The following CUBN variants were observed in gnomAD, a reference collection of about 807,000 sequenced individuals.
The protein encoded by CUBN is 460 kDa receptor.
Under a neutral mutation model 405.3 loss-of-function variants are expected in CUBN, and 282 were observed. That is an observed-to-expected ratio of 0.70 (90% CI 0.63 to 0.77). The LOEUF (loss-of-function observed/expected upper bound fraction) is 0.77. CUBN is among the 30% of genes least tolerant of loss of function. The probability of loss-of-function intolerance (pLI) is 0.00; values close to 1 mark genes in which losing one functional copy is unlikely to be tolerated. For synonymous variants in CUBN, 1,684 were observed against 1,617.0 expected, an observed-to-expected ratio of 1.04 and a Z score of -0.99; for missense variants, 4,514 against 4,475.2, an observed-to-expected ratio of 1.01 and a Z score of -0.25.
chr10:17,067,728 A>G (rs1835642518), intron 21 of CUBN, among the ~76,000 whole-genome samples: 1 of 152,164 alleles, frequency 6.6e-6, no homozygotes, highest in Non-Finnish European at 1.5e-5. Context: ...ATGATATGCA[A>G]ACGAATCTAC....
At chr10:16,891,390 C>T (rs1163281327) in intron 54 of CUBN, among the ~76,000 whole-genome samples, 3 of 152,062 alleles carry the variant, frequency 2.0e-5, no homozygotes, top group Non-Finnish European at 4.4e-5. Flanking sequence ...AGTGAGCCTG[C>T]CCCGAGCGAA....
rs12415705 is a variant in CUBN at position 17,027,752 on chromosome 10, T to C, written c.4018-7769A>G. Among the ~76,000 whole-genome samples, 4 of 152,258 alleles carry C rather than the reference T, an allele frequency of 2.6e-5. No individual in the cohort carries two copies. The East Asian group carries it at 7.7e-4, about 29-fold the overall frequency. On this transcript the variant is annotated intron_variant, in intron 27 of 66. Coordinates refer to ENST00000377833, the MANE Select transcript of CUBN (RefSeq NM_001081.4). ...AATCTTTTCTTAAGTATCTCAAGGT[T>C]ATATGTAAAAATTAATCCACTGAAA... is the stretch of plus-strand genomic sequence containing the variant.
rs773139566 is a variant in CUBN, at chr10:17,084,469, C to G, written c.2111-8G>C. On this transcript the variant is annotated splice_polypyrimidine_tract_variant and splice_region_variant and intron_variant, in intron 16 of 66. Transcript: ENST00000377833. ...CACCACAACGCAGATCCGCTAAGAA[C>G]AGGGAAGAGACGAACAGGTCATGGC... is the stretch of plus-strand genomic sequence containing the variant. The G allele has an allele frequency of 3.1e-6, 5 of 1,612,070 alleles. No individual in the cohort carries two copies. The highest frequency in any genetic ancestry group is 2.5e-6 in the Non-Finnish European group (3 of 1,179,364).
Position 16,925,331 on chromosome 10 carries a change from T to G in CUBN, c.6556A>C (p.Thr2186Pro). The G allele has an allele frequency of 6.2e-7, 1 of 1,613,870 alleles. No homozygotes were observed. Among genetic ancestry groups the G allele is most frequent in the Non-Finnish European group, 8.5e-7 (1 of 1,179,812 alleles). ...TGAACAAACATTTGATTATCCGAGG[T>G]GAACAGAGTTGATGAAGCATGACTG... ...CGSHASSTLFTSDNQMFVQFI... is the reference protein window; with the variant it reads ...CGSHASSTLFPSDNQMFVQFI... Residue 2186 changes from threonine to proline, a missense_variant, in exon 43 of 67, where the codon ACC becomes CCC. Around this residue, in one of 5 missense-constraint regions of CUBN, gnomAD observed 1,613 missense variants for 1,542.8 expected, o/e 1.05. Coordinates refer to ENST00000377833, the MANE Select transcript of CUBN (RefSeq NM_001081.4).
intron 28 of CUBN, among the ~76,000 whole-genome samples, chr10:17,006,436 G>C (rs55767134): frequency 0.21 from 31,702 of 152,026 alleles, 4,123 homozygotes; most frequent in African/African-American, 0.37. Flanking sequence ...AATTACAAAA[G>C]ATAAAACCTT....
At chr10:17,088,401 G>A in intron 14 of CUBN, 56 bp from the exon 15 acceptor site, 5 of 1,457,270 alleles carry the variant, frequency 3.4e-6, no homozygotes, top group South Asian at 2.3e-5. Flanking sequence ...AATTTATGGA[G>A]AATGATCAGA....
chr10:17,023,657 C>G (rs1184207822), intron 27 of CUBN: 2 of 455,760 alleles, frequency 4.4e-6, no homozygotes, highest in African/African-American at 4.0e-5. Flanking sequence ...GACAAGCAAG[C>G]TGGAGTGGCC....
At chr10:17,122,633 TA>T (rs777164925) in intron 6 of CUBN, 161 bp downstream of exon 6, 1 of 662,142 alleles carries the variant, frequency 1.5e-6, no homozygotes, top group South Asian at 1.7e-5. Flanking sequence ...TTCAGTTAAG[TA>T]AAAATAGCTA....
At position 16,937,267 on chromosome 10, in the gene CUBN, G is replaced by T. The variant is rs527405820; in HGVS notation, c.5926+325C>A. 6.6e-5 allele frequency among the ~76,000 whole-genome samples: 10 copies of T among 152,256 alleles called. 1 individual carries two copies. The South Asian group carries it at 1.2e-3, about 19-fold the overall frequency. Reference sequence around the variant, plus strand: ...TCCTTAACTAACTGATTGTGTGTGTGTGTGAATGTACATGTGTAGTATCTG... The same window carrying T: ...TCCTTAACTAACTGATTGTGTGTGTTTGTGAATGTACATGTGTAGTATCTG... On this transcript the variant is annotated intron_variant, in intron 39 of 66. Coordinates refer to ENST00000377833, the MANE Select transcript of CUBN (RefSeq NM_001081.4).
At chr10:16,939,469 T>C (rs968813050) in intron 37 of CUBN, among the ~76,000 whole-genome samples, 6 of 152,178 alleles carry the variant, frequency 3.9e-5, no homozygotes, top group South Asian at 2.1e-4. Flanking sequence ...TCTATTTTAC[T>C]TTGTTTTTCA....
chr10:16,944,791 T>C (rs530806028), intron 36 of CUBN, among the ~76,000 whole-genome samples: 1 of 152,228 alleles, frequency 6.6e-6, no homozygotes, highest in Non-Finnish European at 1.5e-5. Flanking sequence ...TGAAACTTGC[T>C]TTCTGTGTGT....
intron 49 of CUBN, 26 bp downstream of exon 49, chr10:16,907,482 G>C: frequency 6.2e-7 from 1 of 1,613,492 alleles, no homozygotes; most frequent in South Asian, 1.1e-5. Context: ...ATTAAAATGG[G>C]GGGCATTTAC....
chr10:17,057,742 C>T (rs559732910), intron 22 of CUBN, among the ~76,000 whole-genome samples: 4 of 151,782 alleles, frequency 2.6e-5, no homozygotes, highest in African/African-American at 7.3e-5. Flanking sequence ...TATGATATAT[C>T]GATGCAATGG....
rs181697775 is a variant in CUBN, at chr10:17,069,979, C to A, written c.2626-1209G>T. 4.3e-4 allele frequency among the ~76,000 whole-genome samples: 65 copies of A among 152,262 alleles called. No homozygotes were observed. In the East Asian group the frequency reaches 9.3e-3, roughly 22 times the overall value. ...AAACTGAAGGGCATAGAGACTACTCCTAGGTTTCTCCTAAGAGTTTCATGG... is the reference window on the plus strand; with the variant it reads ...AAACTGAAGGGCATAGAGACTACTCATAGGTTTCTCCTAAGAGTTTCATGG... On this transcript the variant is annotated intron_variant, in intron 19 of 66. Coordinates refer to ENST00000377833, the MANE Select transcript of CUBN (RefSeq NM_001081.4).
At chr10:16,837,553 T>C (rs578070479) in intron 62 of CUBN, among the ~76,000 whole-genome samples, 3 of 152,298 alleles carry the variant, frequency 2.0e-5, no homozygotes, top group South Asian at 4.1e-4. Context: ...TGTGTTTTTA[T>C]AGACAAGCCA....
intron 58 of CUBN, among the ~76,000 whole-genome samples, chr10:16,873,608 G>C (rs552955742): frequency 1.8e-4 from 27 of 151,706 alleles, no homozygotes; most frequent in African/African-American, 6.3e-4. Flanking sequence ...TGTAATCCCA[G>C]CTACTCAGGA....
At chr10:17,059,695 C>G (rs1835461908) in intron 22 of CUBN, among the ~76,000 whole-genome samples, 1 of 152,172 alleles carries the variant, frequency 6.6e-6, no homozygotes, top group African/African-American at 2.4e-5. Context: ...CAGTTTCTCC[C>G]TTAAGAAAGA....
intron 22 of CUBN, among the ~76,000 whole-genome samples, chr10:17,059,335 T>G (rs1045169117): frequency 6.6e-6 from 1 of 152,046 alleles, no homozygotes; most frequent in Non-Finnish European, 1.5e-5. Flanking sequence ...AACAATGATA[T>G]CAGTCCCATA....
intron 49 of CUBN, among the ~76,000 whole-genome samples, chr10:16,906,764 A>G (rs565796642): frequency 6.6e-6 from 1 of 152,300 alleles, no homozygotes; most frequent in Non-Finnish European, 1.5e-5. Flanking sequence ...TTGATTAGCA[A>G]TTCTCCACTT....
Sources: gnomAD v4.1 joint callset for allele counts (sites outside exome capture counted in the v4.1 genomes callset) on GRCh38, gnomAD v4.1.1 for gene constraint, gnomAD v4.1.1 regional missense constraint, MANE v1.5 for transcripts, NCBI Gene and HGNC (gene_info 2026-07-23, HGNC 2026-07-21) for gene names.